Variants in LRRC3B observed in about 807,000 individuals in gnomAD.
LRRC3B encodes leucine rich repeat containing 3B, also known as leucine-rich repeat-containing protein 3B.
Under a neutral mutation model 12.8 loss-of-function variants are expected in LRRC3B, and 2 were observed. The observed-to-expected ratio is 0.16, with a 90% CI of 0.06 to 0.49. The LOEUF is 0.49. LRRC3B is among the 20% of genes least tolerant of loss of function. The probability of loss-of-function intolerance (pLI) is 0.96; values close to 1 mark genes in which losing one functional copy is unlikely to be tolerated. For synonymous variants in LRRC3B, 132 were observed against 122.0 expected, an observed-to-expected ratio of 1.08 and a Z score of -0.54; for missense variants, 189 against 319.4, an observed-to-expected ratio of 0.59 and a Z score of 3.11.
intron 1 of LRRC3B, among the ~76,000 whole-genome samples, chr3:26,683,089 C>G (rs1293858368): frequency 2.0e-5 from 3 of 152,114 alleles, no homozygotes; most frequent in Admixed American, 2.0e-4. Context: ...TCTGGGACTT[C>G]TAGGGCACCA....
intron 1 of LRRC3B, among the ~76,000 whole-genome samples, chr3:26,640,154 C>T (rs1001495610): frequency 6.6e-6 from 1 of 152,088 alleles, no homozygotes; most frequent in African/African-American, 2.4e-5. Flanking sequence ...TCCCTTTACT[C>T]TCCCCACTAA....
intron 1 of LRRC3B, among the ~76,000 whole-genome samples, chr3:26,636,857 C>CCTTT (rs1698889786): frequency 1.0e-5 from 1 of 97,924 alleles, no homozygotes; most frequent in Non-Finnish European, 1.9e-5. Context: ...TCCCTCCCTC[C>CCTTT]CTCCCTCCCT....
chr3:26,630,734 A>T (rs1339329249), intron 1 of LRRC3B, among the ~76,000 whole-genome samples: 8 of 152,148 alleles, frequency 5.3e-5, no homozygotes, highest in Non-Finnish European at 1.2e-4. Flanking sequence ...AAGTTCATGG[A>T]TGCCTTGAAT....
chr3:26,660,950 A>C (rs1168882139), intron 1 of LRRC3B, among the ~76,000 whole-genome samples: 1 of 152,228 alleles, frequency 6.6e-6, no homozygotes, highest in Non-Finnish European at 1.5e-5. Flanking sequence ...ATTTTAAAAT[A>C]ATACAAATTA....
intron 1 of LRRC3B, among the ~76,000 whole-genome samples, chr3:26,629,200 GTCCT>G (rs1418671482): frequency 9.1e-6 from 1 of 110,394 alleles, no homozygotes; most frequent in East Asian, 3.0e-4. Context: ...CCCTCCCTGC[GTCCT>G]TCCTTCCTTC....
intron 1 of LRRC3B, 124 bp from the exon 2 acceptor site, chr3:26,709,389 T>C (rs543768482): frequency 2.3e-6 from 1 of 426,282 alleles, no homozygotes; most frequent in Admixed American, 3.8e-5. Context: ...GTGGCATTGA[T>C]GGAAATTACC....
chr3:26,636,832 CCCTCCCTG>C (rs1220971224), intron 1 of LRRC3B, among the ~76,000 whole-genome samples: 6 of 87,596 alleles, frequency 6.8e-5, no homozygotes, highest in African/African-American at 3.6e-4. Flanking sequence ...CTCCCTCCCT[CCCTCCCTG>C]CCTCCCTCCC....
intron 1 of LRRC3B, among the ~76,000 whole-genome samples, chr3:26,641,841 A>G (rs74279635): frequency 0.034 from 5,207 of 152,268 alleles, 167 homozygotes; most frequent in East Asian, 0.13. Context: ...ACTTTTTGGT[A>G]TCAGAACCCT....
At chr3:26,662,976 G>A (rs1459327852) in intron 1 of LRRC3B, among the ~76,000 whole-genome samples, 3 of 152,102 alleles carry the variant, frequency 2.0e-5, no homozygotes, top group Non-Finnish European at 4.4e-5. Context: ...TGCCTTCTGG[G>A]AATCAAGAGA....
chr3:26,663,444 T>G (rs1699536094), intron 1 of LRRC3B, among the ~76,000 whole-genome samples: 1 of 152,168 alleles, frequency 6.6e-6, no homozygotes, highest in Non-Finnish European at 1.5e-5. Flanking sequence ...ACTGAAAAAT[T>G]CTATAAACTC....
rs57108752 is a variant in LRRC3B, at chr3:26,707,950, G to A, written c.-160-1563G>A. ...GCATTCTCTGGTATTTAAGGGACTC[G>A]ACTCAGTTTTCCAAAAGCACGTCTG... On this transcript the variant is annotated intron_variant, in intron 1 of 1. Coordinates refer to ENST00000396641, the Ensembl canonical transcript of LRRC3B. 5.4e-3 allele frequency among the ~76,000 whole-genome samples: 815 copies of A among 152,234 alleles called. 2 individuals carry two copies. The highest frequency in any genetic ancestry group is 0.018 in the African/African-American group (760 of 41,528).
intron 1 of LRRC3B, among the ~76,000 whole-genome samples, chr3:26,676,059 CA>C (rs1449114667): frequency 1.3e-5 from 2 of 150,746 alleles, no homozygotes; most frequent in African/African-American, 4.9e-5. Flanking sequence ...GAATAGCCTT[CA>C]ATTTGGGCCT....
chr3:26,691,105 G>GTTTATATATATATATA (rs372629683), intron 1 of LRRC3B, among the ~76,000 whole-genome samples: 1 of 84,850 alleles, frequency 1.2e-5, no homozygotes, highest in Non-Finnish European at 2.2e-5. Flanking sequence ...GTGTGTGTGT[G>GTTTATATATATATATA]TATATATATA....
At chr3:26,699,375 G>T (rs1224886165) in intron 1 of LRRC3B, among the ~76,000 whole-genome samples, 1 of 152,062 alleles carries the variant, frequency 6.6e-6, no homozygotes, top group Non-Finnish European at 1.5e-5. Context: ...CCAATGAGGT[G>T]GATATTATTG....
intron 1 of LRRC3B, among the ~76,000 whole-genome samples, chr3:26,674,802 T>C (rs2125435927): frequency 1.3e-5 from 2 of 152,248 alleles, no homozygotes; most frequent in African/African-American, 4.8e-5. Flanking sequence ...TACAACCTTC[T>C]CTCTACTTCT....
At chr3:26,677,203 G>A (rs1189511297) in intron 1 of LRRC3B, among the ~76,000 whole-genome samples, 1 of 152,130 alleles carries the variant, frequency 6.6e-6, no homozygotes, top group African/African-American at 2.4e-5. Context: ...AACTGCACAG[G>A]GCTATGCAAA....
At chr3:26,657,066 G>A (rs376027177) in intron 1 of LRRC3B, among the ~76,000 whole-genome samples, 8 of 152,218 alleles carry the variant, frequency 5.3e-5, no homozygotes, top group African/African-American at 1.9e-4. Context: ...CAACTCAGTA[G>A]CATATGATAC....
rs138283427 is a variant in LRRC3B at position 26,644,133 on chromosome 3, G to A, written c.-161+20896G>A. 6.2e-4 allele frequency among the ~76,000 whole-genome samples: 95 copies of A among 152,256 alleles called. 1 individual carries two copies. In the Middle Eastern group the frequency reaches 0.014, roughly 22 times the overall value. ...ATGCAGATATTATTTCTTAGGATGA[G>A]GAATCATTTAAATAAGTTGACTTCA... is the stretch of plus-strand genomic sequence containing the variant. On this transcript the variant is annotated intron_variant, in intron 1 of 1. Coordinates refer to ENST00000396641, the Ensembl canonical transcript of LRRC3B.
chr3:26,673,745 CCTG>C (rs2125434923), intron 1 of LRRC3B, among the ~76,000 whole-genome samples: 1 of 152,276 alleles, frequency 6.6e-6, no homozygotes, highest in Admixed American at 6.5e-5. Flanking sequence ...CTTACCTCCA[CCTG>C]CTGAAGAACA....
Sources: allele counts gnomAD v4.1 joint callset (sites outside exome capture counted in the v4.1 genomes callset), GRCh38; gene constraint gnomAD v4.1.1; transcripts MANE v1.5; gene names NCBI Gene and HGNC (gene_info 2026-07-23, HGNC 2026-07-21).